Variants in ROBO1 observed in about 807,000 individuals in gnomAD.
ROBO1 encodes roundabout guidance receptor 1.
Under a neutral mutation model 195.9 loss-of-function variants are expected in ROBO1, and 149 were observed. The observed-to-expected ratio is 0.76, with a 90% confidence interval of 0.67 to 0.87. The LOEUF (loss-of-function observed/expected upper bound fraction) is 0.87. Ranked by LOEUF, ROBO1 falls within the 40% of genes least tolerant of loss-of-function variation. ROBO1 has a pLI of 0.00. For missense variants in ROBO1, 1,933 were observed against 2,068.3 expected (o/e 0.93, Z 1.27); for synonymous variants, 816 against 733.2 (o/e 1.11, Z -1.82).
intron 26 of ROBO1, among the ~76,000 whole-genome samples, chr3:78,619,371 G>A (rs780932839): frequency 1.3e-5 from 2 of 151,858 alleles, no homozygotes; most frequent in African/African-American, 4.8e-5. Flanking sequence ...CTGAAGATAT[G>A]GATAAATCAC....
At chr3:79,223,009 T>A (rs924457915) in intron 2 of ROBO1, among the ~76,000 whole-genome samples, 1 of 152,162 alleles carries the variant, frequency 6.6e-6, no homozygotes, top group South Asian at 2.1e-4. Flanking sequence ...TTCAGAGACA[T>A]TTTATGCAAA....
At chr3:78,658,660 T>C (rs933054596) in intron 17 of ROBO1, among the ~76,000 whole-genome samples, 10 of 152,242 alleles carry the variant, frequency 6.6e-5, no homozygotes, top group African/African-American at 2.2e-4. Context: ...TAAACTCTAA[T>C]AGGAAGTGAG....
intron 4 of ROBO1, among the ~76,000 whole-genome samples, chr3:78,815,683 G>C (rs140205201): frequency 1.3e-5 from 2 of 151,942 alleles, no homozygotes; most frequent in Non-Finnish European, 2.9e-5. Flanking sequence ...ATTTCATCTC[G>C]AGGAACCACT....
chr3:78,903,996 T>C (rs1449083862), intron 4 of ROBO1, among the ~76,000 whole-genome samples: 1 of 152,072 alleles, frequency 6.6e-6, no homozygotes, highest in Non-Finnish European at 1.5e-5. Flanking sequence ...AGAACACTGT[T>C]GTAGGAAATA....
At chr3:79,604,815 C>T (rs1169449313) in intron 1 of ROBO1, among the ~76,000 whole-genome samples, 2 of 151,944 alleles carry the variant, frequency 1.3e-5, no homozygotes, top group South Asian at 4.1e-4. Context: ...CCAATTTTCT[C>T]ATCGCTGCCT....
intron 1 of ROBO1, among the ~76,000 whole-genome samples, chr3:79,700,501 A>C (rs1450182286): frequency 6.6e-6 from 1 of 151,840 alleles, no homozygotes; most frequent in Non-Finnish European, 1.5e-5. Context: ...CAAACAATGT[A>C]AAAGTGTTCA....
intron 2 of ROBO1, among the ~76,000 whole-genome samples, chr3:79,138,996 A>C (rs2080469481): frequency 6.6e-6 from 1 of 151,768 alleles, no homozygotes; most frequent in East Asian, 1.9e-4. Flanking sequence ...TACAATTCTC[A>C]AAAAAAGTAG....
intron 18 of ROBO1, among the ~76,000 whole-genome samples, chr3:78,653,981 G>T (rs1410470732): frequency 6.6e-6 from 1 of 152,184 alleles, no homozygotes; most frequent in Non-Finnish European, 1.5e-5. Flanking sequence ...GACCAAACTA[G>T]AAAGAAATAC....
intron 3 of ROBO1, among the ~76,000 whole-genome samples, chr3:79,103,078 T>C (rs770500666): frequency 4.6e-5 from 7 of 151,852 alleles, no homozygotes; most frequent in Non-Finnish European, 8.8e-5. Context: ...TTTGATATGT[T>C]GTGAAACCAA....
intron 7 of ROBO1, among the ~76,000 whole-genome samples, chr3:78,716,359 AC>A (rs1217399585): frequency 3.3e-5 from 5 of 151,884 alleles, no homozygotes; most frequent in Admixed American, 6.6e-5. Flanking sequence ...GGCGGAAGGC[AC>A]CTCTTCACAG....
chr3:79,229,374 G>GA (rs968087896), intron 2 of ROBO1, among the ~76,000 whole-genome samples: 20 of 151,748 alleles, frequency 1.3e-4, no homozygotes, highest in African/African-American at 4.4e-4. Context: ...CCAATTGCAG[G>GA]AAAAAAAATC....
At chr3:78,645,761 A>T (rs577361861) in intron 21 of ROBO1, among the ~76,000 whole-genome samples, 3 of 152,224 alleles carry the variant, frequency 2.0e-5, no homozygotes, top group Admixed American at 1.3e-4. Context: ...CCTACAACTT[A>T]TGAGCAATTG....
intron 2 of ROBO1, among the ~76,000 whole-genome samples, chr3:79,270,425 A>G (rs778213992): frequency 9.3e-5 from 14 of 150,140 alleles, no homozygotes; most frequent in Non-Finnish European, 1.6e-4. Context: ...TAACGTTAAG[A>G]CAAATGTCAA....
intron 1 of ROBO1, among the ~76,000 whole-genome samples, chr3:79,682,835 T>C (rs1946989298): frequency 6.6e-6 from 1 of 152,022 alleles, no homozygotes; most frequent in Non-Finnish European, 1.5e-5. Context: ...TTCATGAAGT[T>C]AGCCAGTAGA....
Position 78,634,037 on chromosome 3 carries a change from G to A in ROBO1, c.3379C>T (p.Arg1127Ter), listed in dbSNP as rs765639480. The A allele has an allele frequency of 5.0e-6, 8 of 1,598,200 alleles. No homozygotes were observed. Among genetic ancestry groups the A allele is most frequent in the African/African-American group, 1.3e-5 (1 of 74,470 alleles). Reference protein sequence around the residue: ...VEQNKLNKDYRANDTVPPTIP... With the variant: ...VEQNKLNKDY Reference sequence around the variant, plus strand: ...GTTGGAGGAACTGTGTCATTTGCTCGATAATCTAGACATATCAGATGAAAA... The same window carrying A: ...GTTGGAGGAACTGTGTCATTTGCTCAATAATCTAGACATATCAGATGAAAA... The change falls in exon 24 of 31, where the codon CGA becomes TGA. Residue 1127 changes from arginine (R) to a stop codon, truncating the protein, a stop_gained. Transcript: ENST00000464233. LOFTEE classifies it high-confidence loss of function.
At chr3:79,431,899 T>C (rs1268645305) in intron 2 of ROBO1, among the ~76,000 whole-genome samples, 1 of 152,060 alleles carries the variant, frequency 6.6e-6, no homozygotes, top group African/African-American at 2.4e-5. Flanking sequence ...CACTCATTTT[T>C]CTAGCCTGCA....
At chr3:79,462,445 T>C (rs965954945) in intron 2 of ROBO1, among the ~76,000 whole-genome samples, 2 of 152,230 alleles carry the variant, frequency 1.3e-5, no homozygotes, top group Admixed American at 6.5e-5. Context: ...TAAGAAATCA[T>C]TGTTTGCTAA....
intron 4 of ROBO1, among the ~76,000 whole-genome samples, chr3:78,906,932 G>A (rs2037957760): frequency 6.6e-6 from 1 of 151,858 alleles, no homozygotes; most frequent in Non-Finnish European, 1.5e-5. Flanking sequence ...TTAATGAGTA[G>A]ACAGATTCTT....
At chr3:78,723,175 TCC>T (rs1390840625) in intron 5 of ROBO1, among the ~76,000 whole-genome samples, 1 of 152,192 alleles carries the variant, frequency 6.6e-6, no homozygotes, top group African/African-American at 2.4e-5. Context: ...TAAGATCGTT[TCC>T]AGTGCATCAC....
Sources: allele counts gnomAD v4.1 joint callset (sites outside exome capture counted in the v4.1 genomes callset), GRCh38; gene constraint gnomAD v4.1.1; transcripts MANE v1.5; gene names NCBI Gene and HGNC (gene_info 2026-07-23, HGNC 2026-07-21).